The following ARHGEF28 variants were observed in gnomAD, a reference collection of about 807,000 sequenced individuals.
The protein encoded by ARHGEF28 is Rho guanine nucleotide exchange factor 28, also known as 190 kDa guanine nucleotide exchange factor.
Under a neutral mutation model 206.6 loss-of-function variants are expected in ARHGEF28, and 152 were observed. That is an observed-to-expected ratio of 0.74 (90% CI 0.64 to 0.84). ARHGEF28 has a LOEUF of 0.84. ARHGEF28 is among the 40% of genes least tolerant of loss of function. The pLI, the probability that ARHGEF28 is intolerant of heterozygous loss-of-function variation, is 0.00. For synonymous variants in ARHGEF28, 763 were observed against 776.4 expected (o/e 0.98, Z 0.29); for missense variants, 2,028 against 2,073.2 (o/e 0.98, Z 0.42).
chr5:73,759,125 G>A (rs1156634597), intron 4 of ARHGEF28, among the ~76,000 whole-genome samples: 1 of 147,978 alleles, frequency 6.8e-6, no homozygotes, highest in Non-Finnish European at 1.5e-5. Context: ...AAACCAATTG[G>A]TGGAACTAGC....
chr5:73,763,069 A>G (rs575494799), intron 4 of ARHGEF28, among the ~76,000 whole-genome samples: 1 of 152,352 alleles, frequency 6.6e-6, no homozygotes, highest in South Asian at 2.1e-4. Context: ...AGTAAGAATG[A>G]AAGAAGAAAT....
intron 14 of ARHGEF28, among the ~76,000 whole-genome samples, chr5:73,854,450 TCTC>T (rs1051217408): frequency 3.7e-4 from 57 of 152,296 alleles, no homozygotes; most frequent in African/African-American, 1.3e-3. Flanking sequence ...ATTTCCTCCT[TCTC>T]CTCCTCTTTC....
At chr5:73,771,686 C>G (rs1347438955) in intron 4 of ARHGEF28, among the ~76,000 whole-genome samples, 1 of 151,922 alleles carries the variant, frequency 6.6e-6, no homozygotes, top group Non-Finnish European at 1.5e-5. Flanking sequence ...CAAGTCTATT[C>G]CTGGTTATTA....
intron 33 of ARHGEF28, 139 bp from the exon 34 acceptor site, chr5:73,909,273 A>G (rs1762725207): frequency 7.8e-7 from 1 of 1,286,142 alleles, no homozygotes; most frequent in Non-Finnish European, 1.0e-6. Flanking sequence ...CTTTGGAGGT[A>G]ACTTAGAAAA....
intron 2 of ARHGEF28, among the ~76,000 whole-genome samples, chr5:73,721,854 A>G (rs924364120): frequency 6.6e-6 from 1 of 152,204 alleles, no homozygotes; most frequent in Non-Finnish European, 1.5e-5. Flanking sequence ...TGCCCTTTGC[A>G]TGGGAACTAT....
intron 16 of ARHGEF28, among the ~76,000 whole-genome samples, chr5:73,861,534 G>A (rs1416652494): frequency 6.6e-6 from 1 of 152,194 alleles, no homozygotes; most frequent in African/African-American, 2.4e-5. Context: ...CCAGGCTCAA[G>A]CGATTCTCCT....
chr5:73,636,048 A>G (rs1372361036), intron 1 of ARHGEF28, among the ~76,000 whole-genome samples: 1 of 152,224 alleles, frequency 6.6e-6, no homozygotes, highest in Non-Finnish European at 1.5e-5. Context: ...ATAAAACAGT[A>G]TCAAGGACTC....
intron 9 of ARHGEF28, among the ~76,000 whole-genome samples, chr5:73,822,159 G>A (rs535806460): frequency 3.3e-5 from 5 of 152,160 alleles, no homozygotes; most frequent in East Asian, 1.9e-4. Context: ...GGTTTAAACT[G>A]TGCTTTTCCG....
intron 1 of ARHGEF28, among the ~76,000 whole-genome samples, chr5:73,650,815 G>GT (rs1285255671): frequency 6.6e-6 from 1 of 151,686 alleles, no homozygotes; most frequent in Non-Finnish European, 1.5e-5. Flanking sequence ...TGCCCAGCTC[G>GT]TTTTTTGTAT....
chr5:73,723,303 C>T (rs1750073639), intron 2 of ARHGEF28, among the ~76,000 whole-genome samples: 1 of 152,224 alleles, frequency 6.6e-6, no homozygotes, highest in Non-Finnish European at 1.5e-5. Context: ...ATGCTCCTGC[C>T]TCAGCCTCCT....
chr5:73,810,031 T>C (rs1490862123), intron 9 of ARHGEF28, among the ~76,000 whole-genome samples: 1 of 152,108 alleles, frequency 6.6e-6, no homozygotes, highest in African/African-American at 2.4e-5. Flanking sequence ...CCCACTTCAA[T>C]TACTATAGAA....
intron 9 of ARHGEF28, among the ~76,000 whole-genome samples, chr5:73,820,379 G>A (rs1478429366): frequency 1.3e-5 from 2 of 152,092 alleles, no homozygotes; most frequent in Non-Finnish European, 2.9e-5. Context: ...TGACAGTGGA[G>A]GTTAATGGGG....
intron 31 of ARHGEF28, 37 bp from the exon 32 acceptor site, chr5:73,904,185 A>G (rs758537064): frequency 3.7e-6 from 6 of 1,607,028 alleles, no homozygotes; most frequent in Admixed American, 1.7e-5. Context: ...TCAGAAGTAG[A>G]ATGGTTATTC....
chr5:73,739,034 T>C (rs1751194521), intron 2 of ARHGEF28, among the ~76,000 whole-genome samples: 1 of 152,188 alleles, frequency 6.6e-6, no homozygotes, highest in Non-Finnish European at 1.5e-5. Flanking sequence ...CTTTGGTCAC[T>C]AATAGAACTT....
chr5:73,794,372 A>G, intron 7 of ARHGEF28, 30 bp from the exon 8 acceptor site: 2 of 1,564,054 alleles, frequency 1.3e-6, no homozygotes, highest in Non-Finnish European at 1.7e-6. Flanking sequence ...AGCTCCCATC[A>G]GCAGATCCTG....
chr5:73,705,549 T>G (rs1415460583), intron 2 of ARHGEF28, among the ~76,000 whole-genome samples: 1 of 152,186 alleles, frequency 6.6e-6, no homozygotes, highest in Non-Finnish European at 1.5e-5. Context: ...TGATTAGCAC[T>G]GTCCTTCTTG....
rs148707273 is a variant in ARHGEF28, at chr5:73,819,818, T to C, written c.1025-12520T>C. On this transcript the variant is annotated intron_variant, in intron 9 of 35. Coordinates refer to ENST00000513042, the MANE Select transcript of ARHGEF28 (RefSeq NM_001177693.2). ...GTTTTAGCAAAGTCAGGTAAATATT[T>C]CTCCCACTTTTAACTATTAATCTCC... Among the ~76,000 whole-genome samples the C allele has an allele frequency of 1.1e-3, 169 of 152,274 alleles. 4 individuals are homozygous for C. In the East Asian group the frequency reaches 0.029, roughly 26 times the overall value.
At chr5:73,755,375 A>G (rs1386562795) in intron 4 of ARHGEF28, among the ~76,000 whole-genome samples, 1 of 152,078 alleles carries the variant, frequency 6.6e-6, no homozygotes, top group Non-Finnish European at 1.5e-5. Flanking sequence ...CCCATGAGTA[A>G]AGGAAGAGCA....
chr5:73,927,851 C>T (rs1277281543), intron 35 of ARHGEF28, among the ~76,000 whole-genome samples: 1 of 152,130 alleles, frequency 6.6e-6, no homozygotes, highest in African/African-American at 2.4e-5. Flanking sequence ...TTCATATCTG[C>T]ACTAAACGAA....
Sources: allele counts gnomAD v4.1 joint callset (sites outside exome capture counted in the v4.1 genomes callset), GRCh38; gene constraint gnomAD v4.1.1; transcripts MANE v1.5; gene names NCBI Gene and HGNC (gene_info 2026-07-23, HGNC 2026-07-21).